The following AUTS2 variants were observed in gnomAD, a reference collection of about 807,000 sequenced individuals.
The protein encoded by AUTS2 is activator of transcription and developmental regulator AUTS2, also known as autism susceptibility gene 2 protein.
AUTS2 carries 17 observed loss-of-function variants against 112.4 expected under a neutral mutation model. The observed-to-expected ratio is 0.15, with a 90% confidence interval of 0.10 to 0.23. The LOEUF is 0.23. Ranked by LOEUF, AUTS2 falls within the 10% of genes least tolerant of loss-of-function variation. The pLI is 1.00. For missense variants in AUTS2, 1,510 were observed against 1,701.6 expected (o/e 0.89, Z 1.98); for synonymous variants, 751 against 702.7 (o/e 1.07, Z -1.09).
At chr7:70,656,818 G>A (rs569871832) in intron 5 of AUTS2, among the ~76,000 whole-genome samples, 14 of 152,068 alleles carry the variant, frequency 9.2e-5, no homozygotes, top group South Asian at 4.2e-4. Flanking sequence ...CAACCTCTGC[G>A]ACTAGGCCCA....
chr7:69,697,927 T>C (rs1298982288), intron 1 of AUTS2, among the ~76,000 whole-genome samples: 1 of 152,196 alleles, frequency 6.6e-6, no homozygotes, highest in Non-Finnish European at 1.5e-5. Context: ...CATTTTGTGA[T>C]AACACGGCAG....
intron 4 of AUTS2, among the ~76,000 whole-genome samples, chr7:70,158,682 G>A (rs888220153): frequency 1.3e-5 from 2 of 152,042 alleles, no homozygotes; most frequent in African/African-American, 4.8e-5. Flanking sequence ...GCTCAGAGAA[G>A]CAGCCTGGAC....
chr7:70,095,364 A>G (rs1013028706), intron 2 of AUTS2, among the ~76,000 whole-genome samples: 1 of 152,140 alleles, frequency 6.6e-6, no homozygotes, highest in African/African-American at 2.4e-5. Flanking sequence ...AAGTCTTACA[A>G]CTACGTGTAC....
intron 5 of AUTS2, among the ~76,000 whole-genome samples, chr7:70,451,816 A>G (rs1796546363): frequency 6.6e-6 from 1 of 152,150 alleles, no homozygotes; most frequent in African/African-American, 2.4e-5. Flanking sequence ...CCAGTGGACC[A>G]AACAGTAACT....
At chr7:70,082,739 C>A (rs926273809) in intron 2 of AUTS2, among the ~76,000 whole-genome samples, 10 of 152,134 alleles carry the variant, frequency 6.6e-5, no homozygotes, top group African/African-American at 2.2e-4. Flanking sequence ...TGTAAGGTCA[C>A]CAGTAAATTT....
At chr7:69,682,014 A>G (rs933093669) in intron 1 of AUTS2, among the ~76,000 whole-genome samples, 3 of 152,196 alleles carry the variant, frequency 2.0e-5, no homozygotes, top group South Asian at 2.1e-4. Flanking sequence ...AATGGAAATA[A>G]TAATACGTTT....
At chr7:70,254,734 A>G (rs1037457956) in intron 4 of AUTS2, among the ~76,000 whole-genome samples, 1 of 152,168 alleles carries the variant, frequency 6.6e-6, no homozygotes, top group African/African-American at 2.4e-5. Flanking sequence ...CAAATGTTAT[A>G]TTTGTAATAT....
intron 5 of AUTS2, among the ~76,000 whole-genome samples, chr7:70,642,218 G>A (rs1805872692): frequency 6.6e-6 from 1 of 152,106 alleles, no homozygotes; most frequent in South Asian, 2.1e-4. Context: ...ATTTAACTAT[G>A]GGTCATTGGC....
rs1362645645 is a variant in AUTS2, at chr7:70,002,174, A to G, written c.522+102676A>G. 2.0e-5 allele frequency among the ~76,000 whole-genome samples: 3 copies of G among 152,198 alleles called. No homozygotes were observed. In the East Asian group the frequency reaches 5.8e-4, roughly 29 times the overall value. On this transcript the variant is annotated intron_variant, in intron 2 of 18. Coordinates refer to ENST00000342771, the MANE Select transcript of AUTS2 (RefSeq NM_015570.4). ...ACAGAATGACAGCATGAATTCAGCA[A>G]TTCCTGTTTAGCAAGAGGTCTGGGC...
chr7:70,355,124 G>GTGTA lies in AUTS2; in HGVS notation c.661-80627_661-80626insGTAT, dbSNP rs1554376689. ...TGTATGGGTGTGTGTGTGTGTGTGT[G>GTGTA]TATATATACGGAGAGAGATTTCTGG... On this transcript the variant is annotated intron_variant, in intron 4 of 18. Transcript: ENST00000342771. Among the ~76,000 whole-genome samples the GTGTA allele has an allele frequency of 3.8e-3, 577 of 150,898 alleles. 7 individuals are homozygous for GTGTA. Among genetic ancestry groups the GTGTA allele is most frequent in the African/African-American group, 0.014 (561 of 41,244 alleles).
intron 4 of AUTS2, among the ~76,000 whole-genome samples, chr7:70,295,037 A>C (rs1343668261): frequency 1.3e-5 from 2 of 152,254 alleles, no homozygotes; most frequent in Non-Finnish European, 2.9e-5. Flanking sequence ...GCTGTGGCTT[A>C]GCCTAGAAAG....
chr7:70,007,460 C>T (rs1415492140), intron 2 of AUTS2, among the ~76,000 whole-genome samples: 5 of 152,070 alleles, frequency 3.3e-5, no homozygotes, highest in East Asian at 1.9e-4. Flanking sequence ...TATAAACTTA[C>T]ATTAATATTG....
At chr7:70,544,317 A>G (rs1251391419) in intron 5 of AUTS2, among the ~76,000 whole-genome samples, 1 of 152,194 alleles carries the variant, frequency 6.6e-6, no homozygotes, top group African/African-American at 2.4e-5. Context: ...TGATTTTTAC[A>G]TTTAAAAGTT....
intron 4 of AUTS2, among the ~76,000 whole-genome samples, chr7:70,378,629 A>G (rs1793226573): frequency 6.6e-6 from 1 of 152,238 alleles, no homozygotes; most frequent in Non-Finnish European, 1.5e-5. Context: ...ACAGGGTTCT[A>G]CTTCAGAGAC....
At chr7:70,308,787 A>AT (rs889806324) in intron 4 of AUTS2, among the ~76,000 whole-genome samples, 110 of 151,864 alleles carry the variant, frequency 7.2e-4, no homozygotes, top group African/African-American at 2.4e-3. Context: ...ACACATATTA[A>AT]TTTTTTTTTG....
At chr7:69,836,810 T>C (rs1791746607) in intron 1 of AUTS2, among the ~76,000 whole-genome samples, 1 of 152,208 alleles carries the variant, frequency 6.6e-6, no homozygotes, top group African/African-American at 2.4e-5. Context: ...GTTTACTTAT[T>C]GCTCAAAAGA....
intron 2 of AUTS2, among the ~76,000 whole-genome samples, chr7:69,903,377 A>T (rs1795041526): frequency 6.6e-6 from 1 of 152,222 alleles, no homozygotes; most frequent in Admixed American, 6.5e-5. Context: ...AATTCTTAAA[A>T]AATTTAGGAC....
chr7:70,150,959 G>A (rs1043186727), intron 4 of AUTS2, among the ~76,000 whole-genome samples: 1 of 152,166 alleles, frequency 6.6e-6, no homozygotes, highest in Admixed American at 6.5e-5. Context: ...AGTAAGGACA[G>A]TGATCCCTGA....
At chr7:70,025,429 T>C (rs1472881492) in intron 2 of AUTS2, among the ~76,000 whole-genome samples, 1 of 151,614 alleles carries the variant, frequency 6.6e-6, no homozygotes, top group Non-Finnish European at 1.5e-5. Context: ...GAAAAACATA[T>C]CTACATACTT....
Sources: gnomAD v4.1 joint callset for allele counts (sites outside exome capture counted in the v4.1 genomes callset) on GRCh38, gnomAD v4.1.1 for gene constraint, MANE v1.5 for transcripts, NCBI Gene and HGNC (gene_info 2026-07-23, HGNC 2026-07-21) for gene names.